Variants in ANK2 observed in about 807,000 individuals in gnomAD.
ANK2 encodes ankyrin-2.
Under a neutral mutation model 360.5 loss-of-function variants are expected in ANK2, and 83 were observed. The observed-to-expected ratio is 0.23, with a 90% confidence interval of 0.19 to 0.28. The LOEUF (loss-of-function observed/expected upper bound fraction) is 0.28. Ranked by LOEUF, ANK2 falls within the 10% of genes least tolerant of loss-of-function variation. The pLI, the probability that ANK2 is intolerant of heterozygous loss-of-function variation, is 1.00. For missense variants in ANK2, 4,201 were observed against 4,795.7 expected (o/e 0.88, Z 3.66); for synonymous variants, 1,740 against 1,759.5 (o/e 0.99, Z 0.28).
chr4:113,338,440 A>G (rs1017744277), intron 31 of ANK2, among the ~76,000 whole-genome samples: 2 of 152,136 alleles, frequency 1.3e-5, no homozygotes, highest in Non-Finnish European at 2.9e-5. Context: ...CTATTTCACA[A>G]ACATTTTTTG....
At chr4:112,713,461 C>T in the ANK2 span, among the ~76,000 whole-genome samples, 2 of 151,988 alleles carry the variant, frequency 1.3e-5, no homozygotes, top group Admixed American at 1.3e-4. Flanking sequence ...CCTAGCTACT[C>T]GGGAAGCAGA....
At position 113,199,002 on chromosome 4, in the gene ANK2, C is replaced by G. The variant is rs1428896172; in HGVS notation, c.286-9C>G. On this transcript the variant is annotated splice_polypyrimidine_tract_variant and intron_variant, in intron 3 of 45. Coordinates refer to ENST00000357077, the MANE Select transcript of ANK2 (RefSeq NM_001148.6). ...CTTGAACATTTTCTATTTTGTTTCTCCAAAACAGAAGGGAAATACCGCTCT... is the reference window on the plus strand; with the variant it reads ...CTTGAACATTTTCTATTTTGTTTCTGCAAAACAGAAGGGAAATACCGCTCT... The G allele has an allele frequency of 6.2e-7, 1 of 1,605,266 alleles. No individual in the cohort carries two copies. Among genetic ancestry groups the G allele is most frequent in the Non-Finnish European group, 8.5e-7 (1 of 1,172,346 alleles).
intron 10 of ANK2, among the ~76,000 whole-genome samples, chr4:113,250,716 G>C (rs968648904): frequency 3.7e-5 from 5 of 133,794 alleles, no homozygotes; most frequent in African/African-American, 1.3e-4. Flanking sequence ...AAGGGCAGTT[G>C]TTGTATTTTC....
At chr4:113,054,907 G>A (rs1302947987) in intron 1 of ANK2, among the ~76,000 whole-genome samples, 1 of 152,034 alleles carries the variant, frequency 6.6e-6, no homozygotes, top group Non-Finnish European at 1.5e-5. Flanking sequence ...TCATGTCTTA[G>A]TAATAACTAA....
Position 113,020,164 on chromosome 4 carries a change from A to G in ANK2, c.21+115650A>G, listed in dbSNP as rs1359750584. 3.3e-5 allele frequency among the ~76,000 whole-genome samples: 5 copies of G among 152,138 alleles called. No homozygotes were observed. The South Asian group carries it at 6.2e-4, about 19-fold the overall frequency. ...CAAAGAAGATTCTATACTTTTACTT[A>G]TGAAGCAGTTTGTTGTTGTTTGTTC... On this transcript the variant is annotated intron_variant, in intron 2 of 30. Transcript: ENST00000503271.
chr4:113,133,444 G>T (rs962600315), intron 1 of ANK2, among the ~76,000 whole-genome samples: 5 of 152,014 alleles, frequency 3.3e-5, no homozygotes. Context: ...TGAATATTTT[G>T]CTTGAAAAAG....
chr4:112,762,711 C>T, the ANK2 span, among the ~76,000 whole-genome samples: 40,244 of 152,038 alleles, frequency 0.26, 5,846 homozygotes, highest in East Asian at 0.57. Context: ...GGTTTCACCA[C>T]GTTGGCCAGG....
rs996760192 is a variant in ANK2 at position 113,333,294 on chromosome 4, G to GTA, written c.3379+90_3379+91dup. On this transcript the variant is annotated intron_variant, in intron 29 of 45. Coordinates refer to ENST00000357077, the MANE Select transcript of ANK2 (RefSeq NM_001148.6). Reference sequence around the variant, plus strand: ...TCTTTCTTATGACCTAGGGGTGTGTGTATATGTGTGTGTGTGTGTGTGTGT... The same window carrying GTA: ...TCTTTCTTATGACCTAGGGGTGTGTGTATATATGTGTGTGTGTGTGTGTGTGT... 6.2e-6 allele frequency: 9 copies of GTA among 1,445,940 alleles called. No individual in the cohort carries two copies. In the Admixed American group the frequency reaches 8.6e-5, roughly 14 times the overall value. 89.6% of individuals were successfully genotyped at this position (1,445,940 alleles called of 1,614,324 possible).
the ANK2 span, among the ~76,000 whole-genome samples, chr4:112,708,543 T>A: frequency 1.3e-5 from 2 of 152,296 alleles, no homozygotes; most frequent in South Asian, 4.1e-4. Context: ...GAAACTATGC[T>A]GTGTGGGGAT....
the ANK2 span, among the ~76,000 whole-genome samples, chr4:112,711,539 G>A: frequency 6.6e-6 from 1 of 151,648 alleles, no homozygotes; most frequent in South Asian, 2.1e-4. Flanking sequence ...ACAACAGGCC[G>A]GGCATGGAGG....
At chr4:112,962,244 G>A (rs923527520) in intron 2 of ANK2, among the ~76,000 whole-genome samples, 1 of 152,012 alleles carries the variant, frequency 6.6e-6, no homozygotes, top group African/African-American at 2.4e-5. Context: ...CCGTGTCTAT[G>A]TCCATGAGTA....
chr4:112,853,569 G>T (rs2065577299), intron 1 of ANK2, among the ~76,000 whole-genome samples: 1 of 152,108 alleles, frequency 6.6e-6, no homozygotes, highest in Admixed American at 6.5e-5. Context: ...TTTCCTTAAA[G>T]AAATTCTTTT....
At chr4:113,145,669 G>GC in intron 1 of ANK2, 1 of 1,134,494 alleles carries the variant, frequency 8.8e-7, no homozygotes, top group Non-Finnish European at 1.1e-6. Context: ...GCCTGCAGTT[G>GC]CCGGGGGTTT....
At chr4:113,248,222 A>C (rs993510423) in intron 9 of ANK2, among the ~76,000 whole-genome samples, 4 of 152,158 alleles carry the variant, frequency 2.6e-5, no homozygotes, top group African/African-American at 9.7e-5. Context: ...ATTTGATTAG[A>C]GATTATTGAA....
At chr4:113,379,559 C>T (rs2097095113) in intron 45 of ANK2, among the ~76,000 whole-genome samples, 1 of 152,042 alleles carries the variant, frequency 6.6e-6, no homozygotes, top group Non-Finnish European at 1.5e-5. Context: ...ATAAAGGCTT[C>T]TACTAGCTTT....
At chr4:112,947,423 A>G (rs2094613090) in intron 2 of ANK2, among the ~76,000 whole-genome samples, 1 of 152,224 alleles carries the variant, frequency 6.6e-6, no homozygotes, top group African/African-American at 2.4e-5. Flanking sequence ...CATCTGGACC[A>G]AAGCTGCAGA....
chr4:112,853,840 G>T (rs143309142), intron 1 of ANK2, among the ~76,000 whole-genome samples: 9 of 152,170 alleles, frequency 5.9e-5, no homozygotes, highest in Non-Finnish European at 1.2e-4. Context: ...AGAGGATGCC[G>T]TTTCTAGGAA....
intron 2 of ANK2, among the ~76,000 whole-genome samples, chr4:112,912,275 C>A (rs1041288657): frequency 4.0e-5 from 6 of 151,786 alleles, no homozygotes; most frequent in Non-Finnish European, 7.4e-5. Flanking sequence ...TAAGTGACAA[C>A]AATTGGAAAA....
chr4:112,913,059 G>C (rs1293638892), intron 2 of ANK2, among the ~76,000 whole-genome samples: 1 of 152,016 alleles, frequency 6.6e-6, no homozygotes, highest in Non-Finnish European at 1.5e-5. Flanking sequence ...GCACTACATA[G>C]GCTCGGGATG....
Sources: allele counts gnomAD v4.1 joint callset (sites outside exome capture counted in the v4.1 genomes callset), GRCh38; gene constraint gnomAD v4.1.1; transcripts MANE v1.5; gene names NCBI Gene and HGNC (gene_info 2026-07-23, HGNC 2026-07-21).